Variants in PPM1E observed in about 807,000 individuals in gnomAD.
PPM1E encodes protein phosphatase, Mg2+/Mn2+ dependent 1E, also known as protein phosphatase 1E.
In PPM1E, 20 loss-of-function variants were observed where a neutral mutation model predicts 65.9. The observed-to-expected ratio is 0.30, with a 90% CI of 0.21 to 0.44. The LOEUF (loss-of-function observed/expected upper bound fraction) is 0.44. Ranked by LOEUF, PPM1E falls within the 20% of genes least tolerant of loss-of-function variation. The pLI is 1.00. For missense variants in PPM1E, 713 were observed against 953.1 expected, an observed-to-expected ratio of 0.75 and a Z score of 3.32; for synonymous variants, 352 against 374.9, an observed-to-expected ratio of 0.94 and a Z score of 0.70.
intron 1 of PPM1E, among the ~76,000 whole-genome samples, chr17:58,813,240 C>G (rs1389155420): frequency 6.6e-6 from 1 of 152,166 alleles, no homozygotes; most frequent in African/African-American, 2.4e-5. Context: ...AAATTTCCAG[C>G]TTGTTTAAAA....
rs143401065 is a variant in PPM1E at position 58,821,618 on chromosome 17, G to A, written c.464+65157G>A. ...CTTACGGCAGGGCAGGAACTTGCCC[G>A]ATATAATAGAAAGAATTCCTTTGAT... On this transcript the variant is annotated intron_variant, in intron 1 of 6. Transcript: ENST00000308249. Among the ~76,000 whole-genome samples the A allele has an allele frequency of 3.1e-3, 473 of 152,286 alleles. 4 individuals carry two copies. The highest frequency in any genetic ancestry group is 0.011 in the African/African-American group (439 of 41,566).
intron 1 of PPM1E, among the ~76,000 whole-genome samples, chr17:58,801,410 T>C (rs1018894637): frequency 6.6e-6 from 1 of 151,780 alleles, no homozygotes; most frequent in Non-Finnish European, 1.5e-5. Flanking sequence ...CCCCTTTATC[T>C]CTGATAATAT....
chr17:58,892,074 G>A (rs563247678), intron 1 of PPM1E, among the ~76,000 whole-genome samples: 98 of 152,082 alleles, frequency 6.4e-4, no homozygotes, highest in African/African-American at 2.2e-3. Flanking sequence ...GGACTCAAGT[G>A]ATCTGCCTGC....
intron 1 of PPM1E, among the ~76,000 whole-genome samples, chr17:58,779,482 A>G (rs1474868089): frequency 6.6e-6 from 1 of 151,936 alleles, no homozygotes. Flanking sequence ...CTGCATTCTG[A>G]TATTATCTGT....
intron 1 of PPM1E, among the ~76,000 whole-genome samples, chr17:58,822,850 G>A (rs1201240777): frequency 6.6e-6 from 1 of 152,188 alleles, no homozygotes; most frequent in Non-Finnish European, 1.5e-5. Flanking sequence ...AGTACTTGCT[G>A]TTGGAGAGAG....
intron 1 of PPM1E, among the ~76,000 whole-genome samples, chr17:58,771,917 A>G (rs555039229): frequency 6.6e-6 from 1 of 152,286 alleles, no homozygotes; most frequent in South Asian, 2.1e-4. Flanking sequence ...AAAGTCAGGC[A>G]AGTTAACCAG....
chr17:58,820,086 T>G (rs2050464795), intron 1 of PPM1E, among the ~76,000 whole-genome samples: 1 of 151,952 alleles, frequency 6.6e-6, no homozygotes, highest in South Asian at 2.1e-4. Flanking sequence ...GGACATGTCT[T>G]AAGCGAGCCC....
chr17:58,830,597 C>T (rs146278450), intron 1 of PPM1E, among the ~76,000 whole-genome samples: 10 of 151,974 alleles, frequency 6.6e-5, no homozygotes, highest in East Asian at 5.8e-4. Flanking sequence ...TGAACCACTG[C>T]GCCCAGCCTT....
rs892635358 is a variant in PPM1E at position 58,967,504 on chromosome 17, G to GTA, written c.783+1626_783+1627dup. Among the ~76,000 whole-genome samples the GTA allele has an allele frequency of 8.8e-3, 1,307 of 148,404 alleles. 12 individuals are homozygous for GTA. The highest frequency in any genetic ancestry group is 0.034 in the East Asian group (170 of 5,048). On this transcript the variant is annotated intron_variant, in intron 3 of 6. Coordinates refer to ENST00000308249, the MANE Select transcript of PPM1E (RefSeq NM_014906.5). Reference sequence around the variant, plus strand: ...ATCCTAATTTCATTTATATATATGTGTATATATATATATATAGAGAGAGAG... The same window carrying GTA: ...ATCCTAATTTCATTTATATATATGTGTATATATATATATATATAGAGAGAGAG...
intron 2 of PPM1E, among the ~76,000 whole-genome samples, chr17:58,960,072 A>G (rs1159677656): frequency 1.3e-5 from 2 of 152,226 alleles, no homozygotes; most frequent in South Asian, 2.1e-4. Context: ...AACAGAATGT[A>G]TTGACTACCT....
At chr17:58,826,037 C>G (rs1443336174) in intron 1 of PPM1E, among the ~76,000 whole-genome samples, 2 of 151,180 alleles carry the variant, frequency 1.3e-5, no homozygotes. Context: ...GCCTGTAATC[C>G]CAGCACTTTG....
At chr17:58,883,004 G>A (rs917303989) in intron 1 of PPM1E, among the ~76,000 whole-genome samples, 3 of 143,330 alleles carry the variant, frequency 2.1e-5, no homozygotes, top group African/African-American at 7.8e-5. Context: ...ACCCAGGCTG[G>A]AGTGCAGTGG....
intron 1 of PPM1E, among the ~76,000 whole-genome samples, chr17:58,888,429 A>G (rs180903485): frequency 1.4e-5 from 2 of 146,618 alleles, no homozygotes; most frequent in Non-Finnish European, 3.0e-5. Flanking sequence ...CAGAGGCTCA[A>G]TCTTGGCTCA....
At chr17:58,861,425 G>A (rs562363743) in intron 1 of PPM1E, among the ~76,000 whole-genome samples, 1 of 152,302 alleles carries the variant, frequency 6.6e-6, no homozygotes, top group Admixed American at 6.5e-5. Context: ...GACTACCTCA[G>A]ATGCTGTCTT....
intron 1 of PPM1E, among the ~76,000 whole-genome samples, chr17:58,883,777 G>A (rs1171302176): frequency 4.6e-5 from 7 of 151,808 alleles, no homozygotes; most frequent in Admixed American, 1.3e-4. Context: ...GAGCCACCGC[G>A]CCCGGCCCGC....
In PPM1E at chr17:58,984,109, T is replaced by C. The variant is rs924016351; in HGVS notation, c.*3078T>C. The C allele has an allele frequency of 2.0e-5, 3 of 152,652 alleles. No homozygotes were observed. The highest frequency in any genetic ancestry group is 2.9e-5 in the Non-Finnish European group (2 of 68,042). The allele number at this position is 152,652 out of a possible 1,614,324, so 9.5% of individuals were successfully genotyped here. A position where few individuals can be genotyped will look rare whatever the true frequency, so the allele number is the denominator to read the frequency against. On this transcript the variant is annotated 3_prime_UTR_variant, in exon 7 of 7. Coordinates refer to ENST00000308249, the MANE Select transcript of PPM1E (RefSeq NM_014906.5). ...TATATACCTTTTCTTTACCTAGAAGTGCCATCCATTGTCCTTGAATTATTA... is the reference window on the plus strand; with the variant it reads ...TATATACCTTTTCTTTACCTAGAAGCGCCATCCATTGTCCTTGAATTATTA...
chr17:58,793,402 C>G (rs911219604), intron 1 of PPM1E, among the ~76,000 whole-genome samples: 1 of 151,852 alleles, frequency 6.6e-6, no homozygotes, highest in East Asian at 1.9e-4. Context: ...GTCACCCAGG[C>G]TGGAGTGCAG....
intron 4 of PPM1E, among the ~76,000 whole-genome samples, chr17:58,971,772 G>A (rs2030644545): frequency 6.6e-6 from 1 of 152,244 alleles, no homozygotes; most frequent in South Asian, 2.1e-4. Flanking sequence ...GATTGGTATA[G>A]AGGATTTAGT....
chr17:58,927,093 T>G (rs1217029814), intron 1 of PPM1E, among the ~76,000 whole-genome samples: 3 of 151,796 alleles, frequency 2.0e-5, no homozygotes, highest in Admixed American at 6.6e-5. Context: ...TTTTATACTT[T>G]AGAGATATAT....
Sources: gnomAD v4.1 joint callset for allele counts (sites outside exome capture counted in the v4.1 genomes callset) on GRCh38, gnomAD v4.1.1 for gene constraint, MANE v1.5 for transcripts, NCBI Gene and HGNC (gene_info 2026-07-23, HGNC 2026-07-21) for gene names.